Variants in RAB9B observed in about 807,000 individuals in gnomAD.
RAB9B encodes the protein ras-related protein Rab-9B.
A neutral mutation model predicts 8.9 loss-of-function variants in RAB9B; 1 was observed. The ratio of observed to expected loss-of-function variants is 0.11; its 90% CI spans 0.04 to 0.53. The LOEUF (loss-of-function observed/expected upper bound fraction) is 0.53. RAB9B is among the 20% of genes least tolerant of loss of function. The probability of loss-of-function intolerance (pLI) is 0.93; values close to 1 mark genes in which losing one functional copy is unlikely to be tolerated. For synonymous variants in RAB9B, 63 were observed against 57.0 expected, an observed-to-expected ratio of 1.10 and a Z score of -0.47; for missense variants, 82 against 152.9, an observed-to-expected ratio of 0.54 and a Z score of 2.45.
the RAB9B span, among the ~76,000 whole-genome samples, chrX:103,778,983 C>A: frequency 1.8e-5 from 2 of 112,187 alleles, no homozygotes; most frequent in South Asian, 7.5e-4. Flanking sequence ...TGCTTAATCA[C>A]CTCCAGGAAC....
chrX:103,825,139 C>T lies in RAB9B; in HGVS notation c.*40G>A, dbSNP rs745819137. 1 of 1,176,173 alleles carries T rather than the reference C, an allele frequency of 8.5e-7. No individual in the cohort carries two copies. The highest frequency in any genetic ancestry group is 1.1e-6 in the Non-Finnish European group (1 of 876,769). ...GGCACAGTTATTCTTACACTACTGACTGATCAATTTGGGGCACATTTTTAA... is the reference window on the plus strand; with the variant it reads ...GGCACAGTTATTCTTACACTACTGATTGATCAATTTGGGGCACATTTTTAA... On this transcript the variant is annotated 3_prime_UTR_variant, in exon 3 of 3. Transcript: ENST00000243298.
chrX:103,801,527 T>A, the RAB9B span, among the ~76,000 whole-genome samples: 11 of 112,119 alleles, frequency 9.8e-5, no homozygotes, highest in African/African-American at 3.6e-4. Flanking sequence ...CCTGGGAATC[T>A]AACAATGGCA....
chrX:103,821,778 AT>A (rs2147783593), downstream of RAB9B, among the ~76,000 whole-genome samples: 1 of 111,343 alleles, frequency 9.0e-6, no homozygotes, highest in Admixed American at 9.6e-5. Context: ...TTATTATAAT[AT>A]TTTTTCTTTT....
chrX:103,786,194 G>C, the RAB9B span: 1 of 1,130,910 alleles, frequency 8.8e-7, no homozygotes, highest in African/African-American at 1.8e-5. Flanking sequence ...CTGAAGGGTG[G>C]GGCAGGGAGA....
At chrX:103,805,227 T>C in the RAB9B span, among the ~76,000 whole-genome samples, 2 of 111,833 alleles carry the variant, frequency 1.8e-5, no homozygotes, top group East Asian at 5.6e-4. Context: ...GGGTGTTCAA[T>C]TTTGTCATCT....
chrX:103,780,558 C>T, the RAB9B span, among the ~76,000 whole-genome samples: 1 of 110,199 alleles, frequency 9.1e-6, no homozygotes, highest in African/African-American at 3.3e-5. Context: ...AAAGAGGAGG[C>T]TGAGATTCCT....
chrX:103,792,861 G>A, the RAB9B span, among the ~76,000 whole-genome samples: 289 of 112,338 alleles, frequency 2.6e-3, 1 homozygote, highest in African/African-American at 8.5e-3. Context: ...GTGTTAAAAC[G>A]CAGATATTGA....
chrX:103,777,811 G>A, the RAB9B span, among the ~76,000 whole-genome samples: 12 of 112,345 alleles, frequency 1.1e-4, no homozygotes, highest in African/African-American at 3.9e-4. Context: ...AGAGCACAAG[G>A]GTCTTTGTCC....
the RAB9B span, among the ~76,000 whole-genome samples, chrX:103,806,583 A>G: frequency 8.1e-5 from 9 of 111,725 alleles, no homozygotes; most frequent in African/African-American, 2.9e-4. Context: ...TTGGGGGTAG[A>G]GTTTTCTGTA....
chrX:103,798,466 A>C, the RAB9B span, among the ~76,000 whole-genome samples: 1 of 111,703 alleles, frequency 9.0e-6, no homozygotes, highest in Non-Finnish European at 1.9e-5. Context: ...GTTATAGCTG[A>C]AAATAATAAC....
chrX:103,789,705 C>T, the RAB9B span, among the ~76,000 whole-genome samples: 7 of 111,773 alleles, frequency 6.3e-5, no homozygotes, highest in South Asian at 3.8e-4. Flanking sequence ...TCATAAATTA[C>T]GGTTAATTCT....
At chrX:103,813,534 C>G in the RAB9B span, among the ~76,000 whole-genome samples, 1 of 108,755 alleles carries the variant, frequency 9.2e-6, no homozygotes, top group Non-Finnish European at 1.9e-5. Flanking sequence ...GTGATCTTGG[C>G]TCACTGCAAC....
the RAB9B span, among the ~76,000 whole-genome samples, chrX:103,798,369 A>G: frequency 8.9e-6 from 1 of 112,035 alleles, no homozygotes; most frequent in Non-Finnish European, 1.9e-5. Flanking sequence ...GAACAATGTG[A>G]CTGAATATGC....
At chrX:103,801,517 C>T in the RAB9B span, among the ~76,000 whole-genome samples, 10 of 111,878 alleles carry the variant, frequency 8.9e-5, no homozygotes, top group Non-Finnish European at 1.3e-4. Flanking sequence ...GAACTGACAA[C>T]CTGGGAATCT....
chrX:103,820,987 C>T (rs1012868529), downstream of RAB9B, among the ~76,000 whole-genome samples: 65 of 100,982 alleles, frequency 6.4e-4, no homozygotes, highest in Non-Finnish European at 1.0e-3. Flanking sequence ...CACACATACA[C>T]ACACACACAC....
At chrX:103,830,538 G>A (rs1189508349) in intron 1 of RAB9B, among the ~76,000 whole-genome samples, 1 of 111,435 alleles carries the variant, frequency 9.0e-6, no homozygotes, top group Non-Finnish European at 1.9e-5. Flanking sequence ...TAAAATATTC[G>A]AGAGACGCAA....
the RAB9B span, among the ~76,000 whole-genome samples, chrX:103,813,191 G>C: frequency 9.1e-6 from 1 of 109,801 alleles, no homozygotes; most frequent in African/African-American, 3.3e-5. Flanking sequence ...AAAGTGCTGG[G>C]ATTATAAGCT....
the RAB9B span, among the ~76,000 whole-genome samples, chrX:103,806,449 C>G: frequency 5.4e-5 from 6 of 111,595 alleles, no homozygotes; most frequent in African/African-American, 2.0e-4. Flanking sequence ...GTACCATGAT[C>G]AGAGAATATT....
downstream of RAB9B, among the ~76,000 whole-genome samples, chrX:103,820,444 C>T (rs747757403): frequency 6.3e-5 from 7 of 111,432 alleles, no homozygotes; most frequent in Non-Finnish European, 1.1e-4. Flanking sequence ...AAATTGATAC[C>T]TCGATTTTCC....
Sources: allele counts gnomAD v4.1 joint callset (sites outside exome capture counted in the v4.1 genomes callset), GRCh38; gene constraint gnomAD v4.1.1; transcripts MANE v1.5; gene names NCBI Gene and HGNC (gene_info 2026-07-23, HGNC 2026-07-21).